PELP1: variants seen among roughly 807,000 people sequenced by gnomAD.
PELP1 encodes the protein proline, glutamate and leucine rich protein 1.
In PELP1, 32 loss-of-function variants were observed where a neutral mutation model predicts 95.5. The ratio of observed to expected loss-of-function variants is 0.34; its 90% CI spans 0.25 to 0.45. PELP1 has a LOEUF of 0.45. Ranked by LOEUF, PELP1 falls within the 20% of genes least tolerant of loss-of-function variation. The pLI, the probability that PELP1 is intolerant of heterozygous loss-of-function variation, is 1.00. For missense variants in PELP1, 1,358 were observed against 1,444.8 expected, an observed-to-expected ratio of 0.94 and a Z score of 0.97; for synonymous variants, 668 against 600.1, an observed-to-expected ratio of 1.11 and a Z score of -1.65.
At chr17:4,690,491 G>C (rs1483145363) in intron 3 of PELP1, among the ~76,000 whole-genome samples, 1 of 152,154 alleles carries the variant, frequency 6.6e-6, no homozygotes, top group Non-Finnish European at 1.5e-5. Context: ...GGAGGCTGAG[G>C]CAGGCGGATC....
Position 4,676,002 on chromosome 17 carries a change from C to G in PELP1, c.980+34G>C, listed in dbSNP as rs143735736. On this transcript the variant is annotated intron_variant, in intron 8 of 16. Coordinates refer to ENST00000572293, the MANE Select transcript of PELP1 (RefSeq NM_014389.3). ...CACTCCCTCATCAATCCCTCCTGCT[C>G]CACGCCTCCGCTCCCTCCAATACCC... is the stretch of plus-strand genomic sequence containing the variant. The G allele has an allele frequency of 1.8e-3, 2,958 of 1,611,962 alleles. 49 individuals carry two copies. The African/African-American group carries it at 0.032, about 18-fold the overall frequency.
chr17:4,698,760 C>A (rs1453101616), intron 1 of PELP1, among the ~76,000 whole-genome samples: 1 of 151,784 alleles, frequency 6.6e-6, no homozygotes, highest in African/African-American at 2.4e-5. Flanking sequence ...ATAATGGATG[C>A]CTTTAGGAGA....
intron 3 of PELP1, among the ~76,000 whole-genome samples, chr17:4,689,272 T>C (rs761959096): frequency 1.5e-4 from 23 of 152,188 alleles, no homozygotes; most frequent in Admixed American, 3.9e-4. Context: ...CTTCTAGACA[T>C]TGGCTTAGGC....
Position 4,673,700 on chromosome 17 carries a change from G to A in PELP1, c.1583-26C>T. On this transcript the variant is annotated intron_variant, in intron 13 of 16. Coordinates refer to ENST00000572293, the MANE Select transcript of PELP1 (RefSeq NM_014389.3). This position sits in a 1 kb window ranked among gnomAD's most constrained non-coding sequence, Gnocchi z 5.7. ...CTGGGGAAGAAGAATGGTGTGTAAA[G>A]GGTAGGCTCCCAACAGACTGACGGC... The A allele has an allele frequency of 1.2e-6, 2 of 1,608,594 alleles. No individual in the cohort carries two copies. Among genetic ancestry groups the A allele is most frequent in the Non-Finnish European group, 1.7e-6 (2 of 1,174,994 alleles).
intron 1 of PELP1, chr17:4,691,758 G>C (rs1024955137): frequency 9.0e-6 from 3 of 334,942 alleles, no homozygotes; most frequent in African/African-American, 6.4e-5. Flanking sequence ...ACCTCTATAT[G>C]TCTGGGCAGC....
chr17:4,694,204 G>A (rs746124559), intron 1 of PELP1, among the ~76,000 whole-genome samples: 4 of 152,112 alleles, frequency 2.6e-5, no homozygotes, highest in Non-Finnish European at 5.9e-5. Context: ...GCCTAAAGCT[G>A]GAGGCAGCCA....
At position 4,672,096 on chromosome 17, in the gene PELP1, A is replaced by T. The variant is rs1327646375; in HGVS notation, c.2895T>A (p.Phe965Leu). 2 of 1,554,380 alleles carry T rather than the reference A, an allele frequency of 1.3e-6. No individual in the cohort carries two copies. Among genetic ancestry groups the T allele is most frequent in the Admixed American group, 3.9e-5 (2 of 51,128 alleles). The change falls in exon 16 of 17, where the codon TTT becomes TTA. Residue 965 changes from phenylalanine (F) to leucine (L), a missense_variant. Physicochemically the swap from Phe to Leu is conservative, Grantham distance 22 (BLOSUM62 0). Transcript: ENST00000572293. ...CTTCTACCTCCCCTCCTGCTGTGCC[A>T]AACTCCAGGTCTTCCACCTCTTCCA... Reference protein sequence around the residue: ...EELEEVEDLEFGTAGGEVEEG... With the variant: ...EELEEVEDLELGTAGGEVEEG...
chr17:4,672,722 C>T lies in PELP1; in HGVS notation c.2269G>A (p.Gly757Arg), dbSNP rs546964350. 2.5e-6 allele frequency: 4 copies of T among 1,613,386 alleles called. No homozygotes were observed. Among genetic ancestry groups the T allele is most frequent in the Non-Finnish European group, 2.5e-6 (3 of 1,179,680 alleles). The change falls in exon 16 of 17, where the codon GGG becomes AGG. Residue 757 changes from glycine (G) to arginine (R), a missense_variant. Gly to Arg is a moderately radical substitution (Grantham distance 125). Transcript: ENST00000572293. Reference protein sequence around the residue: ...PPTIPPDETFGGRVPRPAFVH... With the variant: ...PPTIPPDETFRGRVPRPAFVH... The stretch of plus-strand genomic sequence containing the variant: ...AAGGCTGGTCTGGGCACTCTCCCCC[C>T]AAAAGTTTCATCTGGGGGTATAGTA...
At chr17:4,699,162 G>A (rs1031781864) in intron 1 of PELP1, among the ~76,000 whole-genome samples, 4 of 152,128 alleles carry the variant, frequency 2.6e-5, no homozygotes, top group East Asian at 1.9e-4. Context: ...GGCGGATCAC[G>A]AGGTCAGGAG....
chr17:4,687,049 T>C (rs955654202), intron 3 of PELP1, among the ~76,000 whole-genome samples: 19 of 152,130 alleles, frequency 1.2e-4, no homozygotes, highest in African/African-American at 4.6e-4. Flanking sequence ...TTTGGCACAT[T>C]AGAACACTTT....
rs770865934 is a variant in PELP1, at chr17:4,672,029, G to C, written c.2962C>G (p.Pro988Ala). 31 of 1,567,566 alleles carry C rather than the reference G, an allele frequency of 2.0e-5. No individual in the cohort carries two copies. The South Asian group carries it at 3.7e-4, about 19-fold the overall frequency. Residue 988 changes from proline to alanine, a missense_variant, in exon 16 of 17, where the codon CCC (proline) becomes GCC (alanine). Physicochemically the swap from Pro to Ala is conservative, Grantham distance 27. This residue lies in a region of PELP1 where 283 missense variants were observed against 284.1 expected (regional missense o/e 1.00). Transcript: ENST00000572293. ...TGCACCTTTGGGGGAGACTCAGGGG[G>C]AGGCAGAGCTGGAGGCAGGGTTGGG... The part of the protein sequence containing the change: ...PPPTLPPALP[P>A]PESPPKVQPE...
At chr17:4,682,348 G>A (rs1912719557) in intron 5 of PELP1, among the ~76,000 whole-genome samples, 154 bp downstream of exon 5, 1 of 152,168 alleles carries the variant, frequency 6.6e-6, no homozygotes, top group Admixed American at 6.5e-5. Context: ...GGTTAAATGA[G>A]GTAAGTGCTA....
At chr17:4,689,689 T>C (rs572758009) in intron 3 of PELP1, among the ~76,000 whole-genome samples, 125 of 152,198 alleles carry the variant, frequency 8.2e-4, no homozygotes, top group African/African-American at 2.9e-3. Flanking sequence ...ATTGCAAAAA[T>C]GTGGAACCAG....
rs367964235 is a variant in PELP1 at position 4,673,679 on chromosome 17, G to C, written c.1583-5C>G. The stretch of plus-strand genomic sequence containing the variant: ...TGAGGATGGTCCGGCTGAGGCCTGG[G>C]GAAGAAGAATGGTGTGTAAAGGGTA... On this transcript the variant is annotated splice_polypyrimidine_tract_variant and splice_region_variant and intron_variant, in intron 13 of 16. Coordinates refer to ENST00000572293, the MANE Select transcript of PELP1 (RefSeq NM_014389.3). This position sits in a 1 kb window ranked among gnomAD's most constrained non-coding sequence, Gnocchi z 5.7. 7 of 1,613,692 alleles carry C rather than the reference G, an allele frequency of 4.3e-6. No homozygotes were observed. Among genetic ancestry groups the C allele is most frequent in the Non-Finnish European group, 5.9e-6 (7 of 1,179,630 alleles).
At chr17:4,679,176 C>T (rs546831792) in intron 5 of PELP1, among the ~76,000 whole-genome samples, 1 of 152,064 alleles carries the variant, frequency 6.6e-6, no homozygotes, top group Non-Finnish European at 1.5e-5. Flanking sequence ...CAGGCACACA[C>T]CACCACACCC....
rs566648776 is a variant in PELP1, at chr17:4,678,466, A to G, written c.643-1654T>C. ...CTCCTGGGTCACAGAGCGAGACCCT[A>G]TCTCCAAAAACGGCTCAAAAAGCTG... On this transcript the variant is annotated intron_variant, in intron 5 of 16. Coordinates refer to ENST00000572293, the MANE Select transcript of PELP1 (RefSeq NM_014389.3). Among the ~76,000 whole-genome samples the G allele has an allele frequency of 2.0e-5, 3 of 152,270 alleles. No individual in the cohort carries two copies. In the East Asian group the frequency reaches 5.8e-4, roughly 29 times the overall value.
Position 4,673,223 on chromosome 17 carries a change from A to G in PELP1, c.1845+27T>C, listed in dbSNP as rs1912310675. 1 of 1,549,072 alleles carries G rather than the reference A, an allele frequency of 6.5e-7. No homozygotes were observed. Among genetic ancestry groups the G allele is most frequent in the Non-Finnish European group, 8.7e-7 (1 of 1,142,916 alleles). The stretch of plus-strand genomic sequence containing the variant: ...TGGAAACAAGAGACTCCAGGAACCA[A>G]AGAGGGGCTTGGCCCATCACAGTTA... On this transcript the variant is annotated intron_variant, in intron 15 of 16. Transcript: ENST00000572293. The surrounding 1 kb of genome is among the most constrained non-coding windows in gnomAD (Gnocchi z 5.7).
At position 4,673,395 on chromosome 17, in the gene PELP1, C is replaced by A. The variant is rs1388158027; in HGVS notation, c.1700G>T (p.Ser567Ile). The change falls in exon 15 of 17, where the codon AGC becomes ATC. Residue 567 changes from serine to isoleucine, a missense_variant. Ser to Ile is a moderately radical substitution (Grantham distance 142). Transcript: ENST00000572293. This position sits in a 1 kb window ranked among gnomAD's most constrained non-coding sequence, Gnocchi z 5.7. Reference sequence around the variant, plus strand: ...GCAGCGGGAGCTCGTGTACGGGGAGCTGCCTAGGACCTCACCCTGCTGTAC... The same window carrying A: ...GCAGCGGGAGCTCGTGTACGGGGAGATGCCTAGGACCTCACCCTGCTGTAC... Reference protein sequence around the residue: ...MGVQQGEVLGSSPYTSSRCRR... With the variant: ...MGVQQGEVLGISPYTSSRCRR... 6.3e-6 allele frequency: 10 copies of A among 1,596,762 alleles called. No individual in the cohort carries two copies. The South Asian group carries it at 6.8e-5, about 11-fold the overall frequency.
chr17:4,701,653 C>T (rs1476557224), intron 1 of PELP1, among the ~76,000 whole-genome samples: 1 of 152,192 alleles, frequency 6.6e-6, no homozygotes, highest in Non-Finnish European at 1.5e-5. Flanking sequence ...AACAGTGGAT[C>T]CCCCTTGCTC....
Sources: allele counts gnomAD v4.1 joint callset (sites outside exome capture counted in the v4.1 genomes callset), GRCh38; gene constraint gnomAD v4.1.1; regional missense constraint gnomAD v4.1.1; non-coding constraint Gnocchi (gnomAD v3.1); transcripts MANE v1.5; gene names NCBI Gene and HGNC (gene_info 2026-07-23, HGNC 2026-07-21).